Variants in HERC6 observed in about 807,000 individuals in gnomAD.
The protein encoded by HERC6 is probable E3 ubiquitin-protein ligase HERC6.
HERC6 carries 101 observed loss-of-function variants against 114.5 expected under a neutral mutation model. The observed-to-expected ratio is 0.88, with a 90% CI of 0.75 to 1.04. The LOEUF is 1.04. Among genes scored for constraint, HERC6 ranks in the 50% least tolerant of loss-of-function variants. The pLI, the probability that HERC6 is intolerant of heterozygous loss-of-function variation, is 0.00. For missense variants in HERC6, 1,133 were observed against 1,230.9 expected (o/e 0.92, Z 1.19); for synonymous variants, 408 against 436.2 (o/e 0.94, Z 0.81).
chr4:88,413,792 G>C (rs1327857414), intron 12 of HERC6, among the ~76,000 whole-genome samples: 2 of 152,148 alleles, frequency 1.3e-5, no homozygotes, highest in Non-Finnish European at 2.9e-5. Context: ...TAGAGGAGAG[G>C]GGAGGTAGGG....
rs1735630987 is a variant in HERC6 at position 88,403,120 on chromosome 4, A to G, written c.1093-1756A>G. On this transcript the variant is annotated intron_variant, in intron 8 of 22. Transcript: ENST00000264346. ...TTCTTTCCAGACAGTGATTTTTGAA[A>G]CCCCTGTTTGGGCTATTTGGTCTCA... Among the ~76,000 whole-genome samples, 3 of 152,082 alleles carry G rather than the reference A, an allele frequency of 2.0e-5. No individual in the cohort carries two copies. The East Asian group carries it at 5.8e-4, about 29-fold the overall frequency.
At chr4:88,422,426 G>A (rs981412687) in intron 13 of HERC6, among the ~76,000 whole-genome samples, 10 of 152,108 alleles carry the variant, frequency 6.6e-5, no homozygotes, top group African/African-American at 1.9e-4. Flanking sequence ...TTGTAGATAC[G>A]TTTTTAAAAG....
At chr4:88,420,665 G>A (rs1428223872) in intron 13 of HERC6, among the ~76,000 whole-genome samples, 2 of 152,042 alleles carry the variant, frequency 1.3e-5, no homozygotes, top group African/African-American at 2.4e-5. Context: ...AATATACAAT[G>A]TCATGCCTGT....
intron 10 of HERC6, among the ~76,000 whole-genome samples, chr4:88,405,931 AG>A (rs1192561680): frequency 2.2e-4 from 34 of 152,360 alleles, no homozygotes; most frequent in South Asian, 1.4e-3. Context: ...TTTAGTACTT[AG>A]AAGCCAAGAG....
chr4:88,396,173 G>T, intron 6 of HERC6, 31 bp downstream of exon 6: 6 of 1,521,168 alleles, frequency 3.9e-6, no homozygotes, highest in Non-Finnish European at 5.3e-6. Context: ...CTTTTTCTTA[G>T]CATGTGTAGA....
chr4:88,408,519 CA>C lies in HERC6; in HGVS notation c.1275-2del. 6.4e-7 allele frequency: 1 copy of C among 1,574,260 alleles called. No homozygotes were observed. The highest frequency in any genetic ancestry group is 8.7e-7 in the Non-Finnish European group (1 of 1,152,158). ...TGTGGTTTCTTGCATTTCTTGTATCCAAAGAGGAACTGGAGAAACGACTTCC... is the reference window on the plus strand; with the variant it reads ...TGTGGTTTCTTGCATTTCTTGTATCCAAGAGGAACTGGAGAAACGACTTCC... On this transcript the variant is annotated splice_region_variant and splice_polypyrimidine_tract_variant and intron_variant, in intron 10 of 22. Coordinates refer to ENST00000264346, the MANE Select transcript of HERC6 (RefSeq NM_017912.4).
At chr4:88,418,999 T>G (rs1736777318) in intron 13 of HERC6, among the ~76,000 whole-genome samples, 1 of 152,204 alleles carries the variant, frequency 6.6e-6, no homozygotes, top group African/African-American at 2.4e-5. Flanking sequence ...ATGCTGGGAT[T>G]ATAGGCGTGA....
intron 20 of HERC6, among the ~76,000 whole-genome samples, chr4:88,438,660 C>G (rs1329808209): frequency 1.3e-5 from 2 of 152,136 alleles, no homozygotes; most frequent in Non-Finnish European, 2.9e-5. Context: ...TCACTAGTAC[C>G]AGCTTGTGAG....
intron 1 of HERC6, among the ~76,000 whole-genome samples, chr4:88,379,424 A>G (rs1045024254): frequency 7.9e-5 from 12 of 151,630 alleles, no homozygotes; most frequent in African/African-American, 2.9e-4. Context: ...TCGGTTTCCA[A>G]TTCAAGTTCA....
In HERC6 at chr4:88,380,810, G is replaced by A. The variant is rs59613542; in HGVS notation, c.199+1690G>A. Among the ~76,000 whole-genome samples, 13 of 151,758 alleles carry A rather than the reference G, an allele frequency of 8.6e-5. No homozygotes were observed. The East Asian group carries it at 1.9e-3, about 23-fold the overall frequency. On this transcript the variant is annotated intron_variant, in intron 1 of 22. Coordinates refer to ENST00000264346, the MANE Select transcript of HERC6 (RefSeq NM_017912.4). ...GTAGAAATACGAGAAAGCAATCACC[G>A]TAGCTCCAACACCCAAAGATAACTC...
chr4:88,394,831 C>A (rs566084967), intron 5 of HERC6, among the ~76,000 whole-genome samples: 1 of 152,288 alleles, frequency 6.6e-6, no homozygotes, highest in Non-Finnish European at 1.5e-5. Flanking sequence ...AGGCATGAGC[C>A]ACTGCGCCCG....
intron 6 of HERC6, 121 bp downstream of exon 6, chr4:88,396,263 A>G (rs1292384905): frequency 1.4e-6 from 1 of 704,020 alleles, no homozygotes; most frequent in African/African-American, 1.9e-5. Flanking sequence ...AAATTTACTT[A>G]TTTCAAATAT....
chr4:88,436,867 T>C, intron 18 of HERC6, 38 bp from the exon 19 acceptor site: 11 of 1,399,378 alleles, frequency 7.9e-6, no homozygotes, highest in Non-Finnish European at 1.0e-5. Flanking sequence ...CTTTATAAGA[T>C]CAATAAATAT....
intron 13 of HERC6, among the ~76,000 whole-genome samples, chr4:88,422,103 A>G (rs1178609723): frequency 6.6e-6 from 1 of 152,082 alleles, no homozygotes; most frequent in African/African-American, 2.4e-5. Flanking sequence ...TATTTTGATG[A>G]TAAATTCATC....
At position 88,440,015 on chromosome 4, in the gene HERC6, A is replaced by C. The variant is rs1276261920; in HGVS notation, c.2697A>C (p.Ala899=). 1 of 1,611,004 alleles carries C rather than the reference A, an allele frequency of 6.2e-7. No homozygotes were observed. The highest frequency in any genetic ancestry group is 1.3e-5 in the African/African-American group (1 of 74,746). The change falls in exon 21 of 23, where the codon GCA becomes GCC. Residue 899 remains alanine (A), a synonymous_variant. Coordinates refer to ENST00000264346, the MANE Select transcript of HERC6 (RefSeq NM_017912.4). ...RHFYPEELMT[A]IIGNTDYDWK... is the part of the protein sequence containing the mutation. ...TCTACCCTGAAGAACTAATGACAGC[A>C]ATCATTGGAAATACTGATTATGACT...
intron 15 of HERC6, 119 bp from the exon 16 acceptor site, chr4:88,428,461 T>C: frequency 3.0e-6 from 2 of 672,474 alleles, no homozygotes; most frequent in South Asian, 3.1e-5. Flanking sequence ...ATGTGAATGT[T>C]TATAGCAATG....
chr4:88,378,868 C>T lies in HERC6; in HGVS notation c.-54C>T. 6.8e-7 allele frequency: 1 copy of T among 1,478,050 alleles called. No homozygotes were observed. Among genetic ancestry groups the T allele is most frequent in the Non-Finnish European group, 9.1e-7 (1 of 1,102,954 alleles). The allele number at this position is 1,478,050 out of a possible 1,614,324, so 91.6% of individuals were successfully genotyped here. On this transcript the variant is annotated 5_prime_UTR_variant, in exon 1 of 23. Coordinates refer to ENST00000264346, the MANE Select transcript of HERC6 (RefSeq NM_017912.4). ...CACCCAGTCACCAGCGTTCGGGAGCCTGTCGCAGCGGGACCGACGGAATCC... is the reference window on the plus strand; with the variant it reads ...CACCCAGTCACCAGCGTTCGGGAGCTTGTCGCAGCGGGACCGACGGAATCC...
intron 6 of HERC6, 119 bp from the exon 7 acceptor site, chr4:88,396,732 C>A: frequency 1.2e-6 from 1 of 850,428 alleles, no homozygotes; most frequent in Non-Finnish European, 1.7e-6. Flanking sequence ...AAGGGAGCTG[C>A]GTACTTAGTA....
rs1301518773 is a variant in HERC6 at position 88,385,595 on chromosome 4, T to C, written c.436+20T>C. 3 of 1,349,208 alleles carry C rather than the reference T, an allele frequency of 2.2e-6. No individual in the cohort carries two copies. Among genetic ancestry groups the C allele is most frequent in the Non-Finnish European group, 3.0e-6 (3 of 992,514 alleles). The allele number at this position is 1,349,208 out of a possible 1,614,324, so 83.6% of individuals were successfully genotyped here. On this transcript the variant is annotated intron_variant, in intron 3 of 22. Transcript: ENST00000264346. ...CAAAAGGTAAGAAACACTTTTTGGA[T>C]CTGAGTGTGAGTAGGAAGTAATTTT...
Sources: allele counts gnomAD v4.1 joint callset (sites outside exome capture counted in the v4.1 genomes callset), GRCh38; gene constraint gnomAD v4.1.1; transcripts MANE v1.5; gene names NCBI Gene and HGNC (gene_info 2026-07-23, HGNC 2026-07-21).